PDCD2L: variants seen among roughly 807,000 people sequenced by gnomAD.
PDCD2L encodes programmed cell death 2 like.
In PDCD2L, 44 loss-of-function variants were observed where a neutral mutation model predicts 40.4. The observed-to-expected ratio is 1.09, with a 90% confidence interval of 0.86 to 1.40. PDCD2L has a LOEUF of 1.40. Ranked by LOEUF, PDCD2L falls within the 40% of genes most tolerant of loss-of-function variation. PDCD2L has a pLI of 0.00. For synonymous variants in PDCD2L, 194 were observed against 174.6 expected (o/e 1.11, Z -0.88); for missense variants, 470 against 453.7 (o/e 1.04, Z -0.33).
chr19:34,414,236 C>T (rs769397672), intron 5 of PDCD2L, among the ~76,000 whole-genome samples: 10 of 150,970 alleles, frequency 6.6e-5, no homozygotes, highest in South Asian at 2.1e-4. Context: ...AGTGTAGTGG[C>T]GTGATCTTGG....
intron 5 of PDCD2L, among the ~76,000 whole-genome samples, chr19:34,421,202 C>T (rs2145471596): frequency 6.6e-6 from 1 of 152,302 alleles, no homozygotes; most frequent in African/African-American, 2.4e-5. Context: ...GACTTCTTCT[C>T]TAAGGCATGC....
chr19:34,408,094 G>A (rs2075085185), intron 3 of PDCD2L, among the ~76,000 whole-genome samples: 1 of 151,362 alleles, frequency 6.6e-6, no homozygotes, highest in East Asian at 2.0e-4. Context: ...TTTTTGTATA[G>A]ATGGGATTTT....
chr19:34,416,530 G>A (rs2075127122), intron 5 of PDCD2L, among the ~76,000 whole-genome samples: 1 of 152,142 alleles, frequency 6.6e-6, no homozygotes, highest in African/African-American at 2.4e-5. Context: ...ATTGCATCCA[G>A]TCCCAGAAGA....
chr19:34,407,404 G>C (rs1161462237), intron 3 of PDCD2L, among the ~76,000 whole-genome samples: 1 of 152,160 alleles, frequency 6.6e-6, no homozygotes, highest in African/African-American at 2.4e-5. Flanking sequence ...TTCCTGAGGT[G>C]CTGGGATTAC....
intron 4 of PDCD2L, among the ~76,000 whole-genome samples, chr19:34,409,757 C>T (rs139651105): frequency 2.4e-4 from 37 of 152,282 alleles, no homozygotes; most frequent in African/African-American, 8.2e-4. Context: ...ATAGAAGACG[C>T]GTTCACTGAC....
At chr19:34,411,990 A>AATAATAAAATATATATATTAAAAAATAT in intron 4 of PDCD2L, among the ~76,000 whole-genome samples, 1 of 146,662 alleles carries the variant, frequency 6.8e-6, no homozygotes, top group East Asian at 2.0e-4. Context: ...ATATAAAATA[A>AATAATAAAATATATATATTAAAAAATAT]ATAATAAAAT....
At chr19:34,415,786 A>G (rs1167795888) in intron 5 of PDCD2L, among the ~76,000 whole-genome samples, 1 of 152,222 alleles carries the variant, frequency 6.6e-6, no homozygotes, top group Non-Finnish European at 1.5e-5. Flanking sequence ...AGTGTTTAAC[A>G]TATATATTTA....
Position 34,409,331 on chromosome 19 carries a change from T to C in PDCD2L, c.507T>C (p.Asp169=), listed in dbSNP as rs2075091531. Residue 169 remains aspartate (D), a synonymous_variant, in exon 4 of 7, where the codon GAT becomes GAC. Coordinates refer to ENST00000246535, the MANE Select transcript of PDCD2L (RefSeq NM_032346.2). ...GGCTCCAAGACCTCCGCCTGCAGGA[T>C]GCTGTCCTGGGTGCTGCCCATCCTG... ...TARLQDLRLQ[D]AVLGAAHPVP... 3.1e-6 allele frequency: 5 copies of C among 1,614,034 alleles called. No homozygotes were observed. The highest frequency in any genetic ancestry group is 4.2e-6 in the Non-Finnish European group (5 of 1,179,998).
intron 6 of PDCD2L, among the ~76,000 whole-genome samples, chr19:34,424,644 T>A (rs1001859956): frequency 6.6e-6 from 1 of 152,118 alleles, no homozygotes; most frequent in African/African-American, 2.4e-5. Context: ...GCGCAGTGTG[T>A]TTACTGGAGT....
At chr19:34,408,021 C>T (rs1381338435) in intron 3 of PDCD2L, among the ~76,000 whole-genome samples, 5 of 151,792 alleles carry the variant, frequency 3.3e-5, no homozygotes, top group Non-Finnish European at 5.9e-5. Context: ...CATTCTCCCA[C>T]GTCAGCCTCC....
At chr19:34,406,896 A>G (rs967922566) in intron 3 of PDCD2L, among the ~76,000 whole-genome samples, 2 of 143,752 alleles carry the variant, frequency 1.4e-5, no homozygotes, top group East Asian at 2.0e-4. Flanking sequence ...GCAATGGCAC[A>G]ATCTCAGCTC....
chr19:34,423,887 GTTTTA>G (rs1485756354), intron 6 of PDCD2L, among the ~76,000 whole-genome samples: 4 of 152,090 alleles, frequency 2.6e-5, no homozygotes, highest in Non-Finnish European at 5.9e-5. Context: ...TTTTATTCCT[GTTTTA>G]TTTTGATTCT....
chr19:34,412,355 A>T (rs1376681392), intron 4 of PDCD2L, among the ~76,000 whole-genome samples: 3 of 152,106 alleles, frequency 2.0e-5, no homozygotes, highest in Non-Finnish European at 4.4e-5. Flanking sequence ...AGAGTTGAAA[A>T]TGGCTTGGGA....
chr19:34,412,729 A>G (rs1015144569), intron 4 of PDCD2L, among the ~76,000 whole-genome samples: 3 of 151,742 alleles, frequency 2.0e-5, no homozygotes, highest in Non-Finnish European at 4.4e-5. Context: ...AAAAAAAAAA[A>G]AAATTACTTG....
At chr19:34,416,844 G>A (rs1347793886) in intron 5 of PDCD2L, among the ~76,000 whole-genome samples, 2 of 152,196 alleles carry the variant, frequency 1.3e-5, no homozygotes, top group African/African-American at 2.4e-5. Flanking sequence ...AGCTGGACTC[G>A]GTGGCTCACG....
chr19:34,414,614 A>G (rs1008934179), intron 5 of PDCD2L, among the ~76,000 whole-genome samples: 2 of 149,470 alleles, frequency 1.3e-5, no homozygotes, highest in Non-Finnish European at 1.5e-5. Context: ...TCAGCCTCCC[A>G]AGTAGCTGGG....
At chr19:34,418,807 A>G (rs1338927993) in intron 5 of PDCD2L, among the ~76,000 whole-genome samples, 1 of 152,172 alleles carries the variant, frequency 6.6e-6, no homozygotes, top group African/African-American at 2.4e-5. Flanking sequence ...AATTTTAGCC[A>G]TTTAAGAAGG....
chr19:34,409,505 C>T lies in PDCD2L; in HGVS notation c.681C>T (p.Ser227=). 6.2e-7 allele frequency: 1 copy of T among 1,612,994 alleles called. No individual in the cohort carries two copies. The highest frequency in any genetic ancestry group is 8.5e-7 in the Non-Finnish European group (1 of 1,179,404). ...GCATTGCCATGGATCAGTTGCTTTC[C>T]CAAAGGTGAGGATGTGTGCTGCTGA... ...REGIAMDQLL[S]QSLPNDGDEK... The change falls in exon 4 of 7, where the codon TCC becomes TCT. Residue 227 remains serine, a synonymous_variant. Coordinates refer to ENST00000246535, the MANE Select transcript of PDCD2L (RefSeq NM_032346.2).
chr19:34,425,296 CTCT>C (rs1280924500), intron 6 of PDCD2L, among the ~76,000 whole-genome samples: 3 of 147,508 alleles, frequency 2.0e-5, no homozygotes, highest in East Asian at 2.0e-4. Flanking sequence ...ATATATTTCT[CTCT>C]TCTTTTTTTT....
Sources: allele counts gnomAD v4.1 joint callset (sites outside exome capture counted in the v4.1 genomes callset), GRCh38; gene constraint gnomAD v4.1.1; transcripts MANE v1.5; gene names NCBI Gene and HGNC (gene_info 2026-07-23, HGNC 2026-07-21).